Variants in NCKAP5 observed in about 807,000 individuals in gnomAD.
The protein encoded by NCKAP5 is NCK associated protein 5.
A neutral mutation model predicts 167.0 loss-of-function variants in NCKAP5; 92 were observed. That is an observed-to-expected ratio of 0.55 (90% CI 0.47 to 0.66). The LOEUF is 0.66. NCKAP5 is among the 30% of genes least tolerant of loss of function. The pLI is 0.00. For missense variants in NCKAP5, 2,378 were observed against 2,315.0 expected (o/e 1.03, Z -0.56); for synonymous variants, 891 against 877.4 (o/e 1.02, Z -0.27).
chr2:132,759,581 C>T (rs1680829588), intron 16 of NCKAP5, among the ~76,000 whole-genome samples: 2 of 152,212 alleles, frequency 1.3e-5, no homozygotes, highest in South Asian at 4.1e-4. Context: ...TTTCATGACT[C>T]ACAGATGAGT....
intron 6 of NCKAP5, among the ~76,000 whole-genome samples, chr2:133,064,806 T>A (rs932886354): frequency 6.6e-6 from 1 of 152,224 alleles, no homozygotes; most frequent in African/African-American, 2.4e-5. Context: ...AATCTCTCTC[T>A]CTGAGCATAG....
intron 11 of NCKAP5, among the ~76,000 whole-genome samples, chr2:132,848,848 A>C (rs1688870611): frequency 6.6e-6 from 1 of 152,196 alleles, no homozygotes; most frequent in Non-Finnish European, 1.5e-5. Context: ...AGATACAATA[A>C]AATAAAACTT....
intron 4 of NCKAP5, chr2:133,265,172 G>C (rs958674141): frequency 6.6e-6 from 1 of 152,192 alleles, no homozygotes; most frequent in Non-Finnish European, 1.5e-5. Flanking sequence ...GTATAAGGAG[G>C]AGTGAACGAG....
chr2:133,239,208 G>T (rs1346762489), intron 4 of NCKAP5, among the ~76,000 whole-genome samples: 1 of 152,112 alleles, frequency 6.6e-6, no homozygotes, highest in Non-Finnish European at 1.5e-5. Context: ...TTTTTAATGA[G>T]CAGCTGCCTC....
chr2:133,446,696 G>C (rs1050874574), intron 3 of NCKAP5, among the ~76,000 whole-genome samples: 53 of 152,162 alleles, frequency 3.5e-4, no homozygotes, highest in African/African-American at 1.0e-3. Flanking sequence ...GATGCATAAT[G>C]AGAAAGCCAA....
intron 8 of NCKAP5, among the ~76,000 whole-genome samples, chr2:132,943,286 A>G (rs1004590818): frequency 8.5e-5 from 13 of 152,358 alleles, no homozygotes; most frequent in African/African-American, 2.9e-4. Context: ...TATGACAGAA[A>G]CTTCATTAAA....
At chr2:133,251,669 G>T (rs1324332383) in intron 4 of NCKAP5, among the ~76,000 whole-genome samples, 1 of 152,168 alleles carries the variant, frequency 6.6e-6, no homozygotes, top group East Asian at 1.9e-4. Flanking sequence ...ATGTGAAGAT[G>T]AGAAAAGCCC....
intron 2 of NCKAP5, among the ~76,000 whole-genome samples, chr2:133,548,253 T>G (rs984414185): frequency 6.6e-5 from 10 of 152,000 alleles, no homozygotes; most frequent in African/African-American, 1.9e-4. Flanking sequence ...TACATCTGAT[T>G]GGTGTACCTG....
the NCKAP5 span, among the ~76,000 whole-genome samples, chr2:133,634,154 G>A: frequency 6.6e-6 from 1 of 152,132 alleles, no homozygotes; most frequent in Non-Finnish European, 1.5e-5. Context: ...TGTGGGCTGT[G>A]TACTATCCTT....
At chr2:132,748,693 T>C (rs1679855917) in intron 16 of NCKAP5, among the ~76,000 whole-genome samples, 1 of 152,196 alleles carries the variant, frequency 6.6e-6, no homozygotes, top group African/African-American at 2.4e-5. Flanking sequence ...GATATATTTA[T>C]ATTCTAGTTC....
At chr2:133,403,870 G>C (rs1688254597) in intron 3 of NCKAP5, among the ~76,000 whole-genome samples, 1 of 150,778 alleles carries the variant, frequency 6.6e-6, no homozygotes, top group Non-Finnish European at 1.5e-5. Flanking sequence ...CCCATAAGCT[G>C]GTCTGCAGTC....
At chr2:132,760,510 A>G (rs773153958) in intron 16 of NCKAP5, among the ~76,000 whole-genome samples, 6 of 152,174 alleles carry the variant, frequency 3.9e-5, no homozygotes, top group Non-Finnish European at 5.9e-5. Flanking sequence ...GGTAATCTGT[A>G]TTATATTCTA....
chr2:133,050,259 C>A lies in NCKAP5; in HGVS notation c.342-56020G>T, dbSNP rs188961894. Among the ~76,000 whole-genome samples, 184 of 151,148 alleles carry A rather than the reference C, an allele frequency of 1.2e-3. 2 individuals carry two copies. The highest frequency in any genetic ancestry group is 4.2e-3 in the African/African-American group (173 of 41,094). ...TTACAAAACCAGGGCTCCATAGAGA[C>A]ATATTAACTGACTGTGTATAGAAGA... On this transcript the variant is annotated intron_variant, in intron 6 of 19. Transcript: ENST00000409261.
intron 6 of NCKAP5, among the ~76,000 whole-genome samples, chr2:133,059,802 A>C (rs940809474): frequency 5.9e-5 from 9 of 152,204 alleles, no homozygotes; most frequent in Non-Finnish European, 8.8e-5. Context: ...GGAGAAATGA[A>C]AAAATTCACA....
At chr2:133,005,550 T>C (rs2077935336) in intron 6 of NCKAP5, among the ~76,000 whole-genome samples, 1 of 152,196 alleles carries the variant, frequency 6.6e-6, no homozygotes, top group Non-Finnish European at 1.5e-5. Flanking sequence ...ATTCCACAAA[T>C]ACATGGAGCA....
intron 3 of NCKAP5, among the ~76,000 whole-genome samples, chr2:133,459,198 T>C (rs1692043022): frequency 1.3e-5 from 2 of 152,182 alleles, no homozygotes; most frequent in Admixed American, 6.6e-5. Context: ...CCAGATTCCA[T>C]GTATGTTTTG....
At chr2:133,412,865 T>G (rs1211978807) in intron 3 of NCKAP5, among the ~76,000 whole-genome samples, 4 of 152,238 alleles carry the variant, frequency 2.6e-5, no homozygotes, top group Non-Finnish European at 4.4e-5. Flanking sequence ...AAGAAACATT[T>G]GAGATTTCAA....
At chr2:133,022,835 A>T (rs1169482959) in intron 6 of NCKAP5, among the ~76,000 whole-genome samples, 3 of 152,178 alleles carry the variant, frequency 2.0e-5, no homozygotes, top group African/African-American at 7.2e-5. Context: ...TCAGCCAAAG[A>T]ACCAAGAAGG....
intron 3 of NCKAP5, among the ~76,000 whole-genome samples, chr2:133,357,288 GAC>G (rs10635907): frequency 0.082 from 11,522 of 140,110 alleles, 440 homozygotes; most frequent in Admixed American, 0.12. Context: ...CACATACACA[GAC>G]ACACACACAC....
Sources: allele counts gnomAD v4.1 joint callset (sites outside exome capture counted in the v4.1 genomes callset), GRCh38; gene constraint gnomAD v4.1.1; transcripts MANE v1.5; gene names NCBI Gene and HGNC (gene_info 2026-07-23, HGNC 2026-07-21).